ZC3H12C: variants seen among roughly 807,000 people sequenced by gnomAD.
ZC3H12C encodes the protein probable ribonuclease ZC3H12C.
A neutral mutation model predicts 76.3 loss-of-function variants in ZC3H12C; 20 were observed. That is an observed-to-expected ratio of 0.26 (90% CI 0.18 to 0.38). The LOEUF is 0.38. Among genes scored for constraint, ZC3H12C ranks in the 10% least tolerant of loss-of-function variants. The pLI is 1.00. For synonymous variants in ZC3H12C, 352 were observed against 399.6 expected, an observed-to-expected ratio of 0.88 and a Z score of 1.42; for missense variants, 874 against 1,086.5, an observed-to-expected ratio of 0.80 and a Z score of 2.75.
At position 110,136,867 on chromosome 11, in the gene ZC3H12C, G is replaced by C; in HGVS notation, c.226G>C (p.Asp76His). 3 of 1,613,798 alleles carry C rather than the reference G, an allele frequency of 1.9e-6. No homozygotes were observed. The highest frequency in any genetic ancestry group is 2.5e-6 in the Non-Finnish European group (3 of 1,179,836). ...TATGGATACCGTTAATGTGGGGAAG[G>C]ATGAAAAAGAGGCGTCTGAAGAGAA... ...PSMDTVNVGK[D>H]EKEASEENAS... The change falls in exon 2 of 6, where the codon GAT (aspartate) becomes CAT (histidine). Residue 76 changes from aspartate (D) to histidine (H), a missense_variant. Asp to His is a moderately conservative substitution (Grantham distance 81, BLOSUM62 -1). Coordinates refer to ENST00000278590, the MANE Select transcript of ZC3H12C (RefSeq NM_033390.2).
intron 1 of ZC3H12C, among the ~76,000 whole-genome samples, chr11:110,112,973 TG>T (rs1188653029): frequency 6.8e-6 from 1 of 148,108 alleles, no homozygotes; most frequent in Non-Finnish European, 1.5e-5. Flanking sequence ...TCCAGTCTCC[TG>T]GTTTAAAGTT....
intron 2 of ZC3H12C, 79 bp from the exon 3 acceptor site, chr11:110,152,840 C>CT: frequency 6.7e-7 from 1 of 1,489,898 alleles, no homozygotes. Flanking sequence ...CTATGTAATA[C>CT]TTTCTGTTTA....
chr11:110,121,302 C>T (rs1048372365), intron 1 of ZC3H12C, among the ~76,000 whole-genome samples: 6 of 152,124 alleles, frequency 3.9e-5, no homozygotes, highest in South Asian at 2.1e-4. Context: ...TGCTGTGTGC[C>T]GGGCACTCTT....
chr11:110,112,301 C>T (rs1861447294), intron 1 of ZC3H12C, among the ~76,000 whole-genome samples: 1 of 152,142 alleles, frequency 6.6e-6, no homozygotes, highest in Admixed American at 6.5e-5. Context: ...CGGGCTCAAG[C>T]AATCTTCCCA....
intron 1 of ZC3H12C, among the ~76,000 whole-genome samples, chr11:110,125,414 A>T (rs7482993): frequency 6.7e-6 from 1 of 149,864 alleles, no homozygotes; most frequent in African/African-American, 2.5e-5. Context: ...CTCCACCTCC[A>T]GGTTCAAGGG....
At chr11:110,133,141 G>A (rs1330204859) in intron 1 of ZC3H12C, among the ~76,000 whole-genome samples, 6 of 152,058 alleles carry the variant, frequency 3.9e-5, no homozygotes, top group Non-Finnish European at 8.8e-5. Context: ...CAAATTCTGG[G>A]TTGTTTTTAG....
At chr11:110,114,641 A>G (rs1861492164) in intron 1 of ZC3H12C, among the ~76,000 whole-genome samples, 1 of 152,222 alleles carries the variant, frequency 6.6e-6, no homozygotes, top group African/African-American at 2.4e-5. Flanking sequence ...GCTACTCATG[A>G]AAGTATTACT....
intron 1 of ZC3H12C, among the ~76,000 whole-genome samples, chr11:110,106,616 A>G (rs989498362): frequency 1.3e-4 from 20 of 152,206 alleles, no homozygotes; most frequent in Non-Finnish European, 7.3e-5. Context: ...ATTTGATGGT[A>G]TATATCGAAG....
chr11:110,150,644 C>G (rs926248653), intron 2 of ZC3H12C, among the ~76,000 whole-genome samples: 3 of 151,974 alleles, frequency 2.0e-5, no homozygotes, highest in African/African-American at 7.2e-5. Context: ...AATTTTTTCT[C>G]TTTAGTTTTG....
chr11:110,136,517 C>A, intron 1 of ZC3H12C, 146 bp from the exon 2 acceptor site: 2 of 849,488 alleles, frequency 2.4e-6, no homozygotes, highest in Non-Finnish European at 3.5e-6. Context: ...ATGATACTCT[C>A]TTGGCAAGGG....
In ZC3H12C at chr11:110,164,860, T is replaced by C. The variant is rs748370911; in HGVS notation, c.1775T>C (p.Met592Thr). Residue 592 changes from methionine to threonine, a missense_variant, in exon 6 of 6, where the codon ATG becomes ACG. Transcript: ENST00000278590. This position sits in a 1 kb window ranked among gnomAD's most constrained non-coding sequence, Gnocchi z 5.7. ...CCTGTCGACATCGGATATTATTCCA[T>C]GTTGAATGCATACTCAAATCTGAGT... ...DSPVDIGYYS[M>T]LNAYSNLSLS... 39 of 1,613,908 alleles carry C rather than the reference T, an allele frequency of 2.4e-5. No homozygotes were observed. The highest frequency in any genetic ancestry group is 3.2e-5 in the Non-Finnish European group (38 of 1,179,908).
intron 1 of ZC3H12C, among the ~76,000 whole-genome samples, chr11:110,125,704 C>A (rs1258598447): frequency 6.6e-6 from 1 of 152,194 alleles, no homozygotes; most frequent in African/African-American, 2.4e-5. Context: ...GTTACTATCA[C>A]CCCACCTAAG....
chr11:110,138,975 T>A (rs994711156), intron 2 of ZC3H12C, among the ~76,000 whole-genome samples: 12 of 152,224 alleles, frequency 7.9e-5, no homozygotes, highest in African/African-American at 2.7e-4. Flanking sequence ...TTGACTACTA[T>A]ATTGGACAAT....
At position 110,164,030 on chromosome 11, in the gene ZC3H12C, G is replaced by C. The variant is rs1042166403; in HGVS notation, c.1256-311G>C. ...CATAAGAATTGCTTGAACCCGAGAG[G>C]CAGAGGTTGCAGTGAGCTGAGATCA... On this transcript the variant is annotated intron_variant, in intron 5 of 5. Transcript: ENST00000278590. The surrounding 1 kb of genome is among the most constrained non-coding windows in gnomAD (Gnocchi z 5.7). Among the ~76,000 whole-genome samples, 1 of 151,888 alleles carries C rather than the reference G, an allele frequency of 6.6e-6. No individual in the cohort carries two copies. The highest frequency in any genetic ancestry group is 2.4e-5 in the African/African-American group (1 of 41,338).
chr11:110,111,581 G>C (rs1040664044), intron 1 of ZC3H12C, among the ~76,000 whole-genome samples: 1 of 151,298 alleles, frequency 6.6e-6, no homozygotes, highest in African/African-American at 2.4e-5. Context: ...ACCCCAGCTG[G>C]AGTGCAGTGG....
rs59512764 is a variant in ZC3H12C at position 110,125,270 on chromosome 11, AGTGTGTGTGTGTGTGTGTGTGTGT to A, written c.22-11365_22-11342del. ...TGGGAACCATATAGGATCTCTCACT[AGTGTGTGTGTGTGTGTGTGTGTGT>A]GTGTGTGTGTGTGTGTGTGTGTGTG... On this transcript the variant is annotated intron_variant, in intron 1 of 5. Coordinates refer to ENST00000278590, the MANE Select transcript of ZC3H12C (RefSeq NM_033390.2). Among the ~76,000 whole-genome samples the A allele has an allele frequency of 3.7e-3, 516 of 138,782 alleles. 4 individuals are homozygous for A. Among genetic ancestry groups the A allele is most frequent in the Middle Eastern group, 0.025 (7 of 278 alleles). The allele number at this position is 138,782 out of a possible 152,430, so 91.0% of individuals were successfully genotyped here. A position where few individuals can be genotyped will look rare whatever the true frequency, so the allele number is the denominator to read the frequency against.
rs1425055936 is a variant in ZC3H12C, at chr11:110,166,384, C to T, written c.*647C>T. 6.6e-6 allele frequency: 1 copy of T among 151,234 alleles called. No homozygotes were observed. Among genetic ancestry groups the T allele is most frequent in the Non-Finnish European group, 1.5e-5 (1 of 67,836 alleles). The allele number at this position is 151,234 out of a possible 1,614,324, so 9.4% of individuals were successfully genotyped here. ...GAATGATTTACAATATGGCACTTTTCGATGTGTTATTTTTGTTTGGATTTT... is the reference window on the plus strand; with the variant it reads ...GAATGATTTACAATATGGCACTTTTTGATGTGTTATTTTTGTTTGGATTTT... On this transcript the variant is annotated 3_prime_UTR_variant, in exon 6 of 6. Transcript: ENST00000278590.
rs983452891 is a variant in ZC3H12C, at chr11:110,140,397, A to G, written c.773+2983A>G. Among the ~76,000 whole-genome samples the G allele has an allele frequency of 2.6e-5, 4 of 152,336 alleles. No homozygotes were observed. In the South Asian group the frequency reaches 6.2e-4, roughly 24 times the overall value. ...TGTTTGAGTTCTTCAATATTCTTCC[A>G]TGACCTAGTCATCTGACTTCATTAA... On this transcript the variant is annotated intron_variant, in intron 2 of 5. Transcript: ENST00000278590.
At chr11:110,103,669 G>T (rs1051699570) in intron 1 of ZC3H12C, among the ~76,000 whole-genome samples, 1 of 150,354 alleles carries the variant, frequency 6.7e-6, no homozygotes, top group Admixed American at 6.6e-5. Context: ...GCAGTGGTGC[G>T]AACTCGGCTC....
Sources: gnomAD v4.1 joint callset for allele counts (sites outside exome capture counted in the v4.1 genomes callset) on GRCh38, gnomAD v4.1.1 for gene constraint, Gnocchi (gnomAD v3.1) non-coding constraint, MANE v1.5 for transcripts, NCBI Gene and HGNC (gene_info 2026-07-23, HGNC 2026-07-21) for gene names.